The following STAC variants were observed in gnomAD, a reference collection of about 807,000 sequenced individuals.
The protein encoded by STAC is SH3 and cysteine-rich domain-containing protein.
In STAC, 43 loss-of-function variants were observed where a neutral mutation model predicts 48.8. That is an observed-to-expected ratio of 0.88 (90% confidence interval 0.69 to 1.14). The LOEUF (loss-of-function observed/expected upper bound fraction) is 1.14. STAC is among the 50% of genes most tolerant of loss of function. The pLI is 0.00. For synonymous variants in STAC, 193 were observed against 179.5 expected (o/e 1.07, Z -0.60); for missense variants, 497 against 504.0 (o/e 0.99, Z 0.13).
chr3:36,393,230 T>C (rs1199918525), intron 1 of STAC, among the ~76,000 whole-genome samples: 1 of 152,132 alleles, frequency 6.6e-6, no homozygotes, highest in Non-Finnish European at 1.5e-5. Context: ...CCATTTTAGG[T>C]TCTTAGATTC....
intron 10 of STAC, among the ~76,000 whole-genome samples, chr3:36,545,709 G>C (rs1324459151): frequency 6.6e-6 from 1 of 152,166 alleles, no homozygotes; most frequent in Non-Finnish European, 1.5e-5. Flanking sequence ...CTATTTGCTT[G>C]AGGCCAGGAG....
At chr3:36,480,973 T>C (rs955151777) in intron 2 of STAC, among the ~76,000 whole-genome samples, 6 of 152,118 alleles carry the variant, frequency 3.9e-5, no homozygotes, top group African/African-American at 9.7e-5. Context: ...TGATAAATGA[T>C]GTGAAAGATA....
chr3:36,522,888 C>T (rs554192148), intron 8 of STAC, among the ~76,000 whole-genome samples: 2 of 152,280 alleles, frequency 1.3e-5, no homozygotes, highest in East Asian at 1.9e-4. Context: ...CCTCCAAGAC[C>T]CCACCCTGGA....
chr3:36,425,234 G>A (rs945396699), intron 1 of STAC, among the ~76,000 whole-genome samples: 3 of 152,310 alleles, frequency 2.0e-5, no homozygotes, highest in Middle Eastern at 3.4e-3. Flanking sequence ...AATGGAAGAC[G>A]TTGACATCAG....
chr3:36,425,415 A>C (rs1208857483), intron 1 of STAC, among the ~76,000 whole-genome samples: 3 of 152,236 alleles, frequency 2.0e-5, no homozygotes, highest in African/African-American at 7.2e-5. Context: ...TATGAAAGGC[A>C]AAGTAAGACT....
intron 1 of STAC, among the ~76,000 whole-genome samples, chr3:36,435,617 A>G (rs1700814962): frequency 1.3e-5 from 2 of 151,988 alleles, no homozygotes; most frequent in Non-Finnish European, 2.9e-5. Flanking sequence ...ACAACTGTCC[A>G]TGTTCATTAC....
intron 1 of STAC, among the ~76,000 whole-genome samples, chr3:36,408,147 A>T (rs1700121202): frequency 6.6e-6 from 1 of 152,228 alleles, no homozygotes; most frequent in African/African-American, 2.4e-5. Flanking sequence ...ATAACAACGT[A>T]GCAATCATCA....
chr3:36,542,470 T>C (rs1434992296), intron 10 of STAC, among the ~76,000 whole-genome samples: 1 of 152,218 alleles, frequency 6.6e-6, no homozygotes, highest in African/African-American at 2.4e-5. Context: ...TCCATCTCTC[T>C]GTTCTGGTAC....
At chr3:36,483,837 G>C (rs922105731) in intron 3 of STAC, among the ~76,000 whole-genome samples, 7 of 152,166 alleles carry the variant, frequency 4.6e-5, no homozygotes, top group Admixed American at 3.3e-4. Flanking sequence ...TGTAGTTCCA[G>C]CTACTCAGGA....
intron 1 of STAC, among the ~76,000 whole-genome samples, chr3:36,436,617 G>C (rs1185074492): frequency 6.6e-6 from 1 of 152,138 alleles, no homozygotes; most frequent in Non-Finnish European, 1.5e-5. Flanking sequence ...CTGTTCCATT[G>C]TCACTGGTTA....
intron 2 of STAC, among the ~76,000 whole-genome samples, chr3:36,462,890 G>A (rs1462484640): frequency 1.3e-5 from 2 of 151,934 alleles, no homozygotes; most frequent in Non-Finnish European, 2.9e-5. Context: ...CCCATATTTA[G>A]TCACAGTTTA....
At chr3:36,456,477 T>A (rs186577883) in intron 2 of STAC, among the ~76,000 whole-genome samples, 1 of 152,180 alleles carries the variant, frequency 6.6e-6, no homozygotes, top group Non-Finnish European at 1.5e-5. Flanking sequence ...CAGTTATTAG[T>A]AACTTTCAAG....
rs1055748151 is a variant in STAC at position 36,419,355 on chromosome 3, C to T, written c.112-24009C>T. On this transcript the variant is annotated intron_variant, in intron 1 of 10. Coordinates refer to ENST00000273183, the MANE Select transcript of STAC (RefSeq NM_003149.3). ...ATTTAATTGGAACATAACCCATTAA[C>T]GTTTACTATGCAGAGGCAAAGGGAA... 3.9e-5 allele frequency among the ~76,000 whole-genome samples: 6 copies of T among 152,110 alleles called. No individual in the cohort carries two copies. In the South Asian group the frequency reaches 8.3e-4, roughly 21 times the overall value.
intron 1 of STAC, among the ~76,000 whole-genome samples, chr3:36,408,048 C>A (rs1340989959): frequency 6.6e-6 from 1 of 152,290 alleles, no homozygotes; most frequent in East Asian, 1.9e-4. Context: ...TGCCACATGG[C>A]CCCCCTCCTC....
chr3:36,481,687 C>T (rs112592766), intron 2 of STAC, among the ~76,000 whole-genome samples: 1 of 152,206 alleles, frequency 6.6e-6, no homozygotes, highest in African/African-American at 2.4e-5. Context: ...CCATGAGAAT[C>T]ACATACTTGT....
chr3:36,392,402 C>T (rs771370716), intron 1 of STAC, among the ~76,000 whole-genome samples: 5 of 152,078 alleles, frequency 3.3e-5, no homozygotes, highest in African/African-American at 4.8e-5. Flanking sequence ...TGCAGTGGTA[C>T]AGTCATGGCT....
In STAC at chr3:36,510,818, G is replaced by A. The variant is rs1232244325; in HGVS notation, c.920+4984G>A. Among the ~76,000 whole-genome samples the A allele has an allele frequency of 9.2e-5, 14 of 152,166 alleles. No homozygotes were observed. The East Asian group carries it at 2.3e-3, about 25-fold the overall frequency. On this transcript the variant is annotated intron_variant, in intron 8 of 10. Transcript: ENST00000273183. ...ACTGGGGCCTGTTGGGGGTTGGGGG[G>A]CTAAGGGAGGTATAGCATTAGGAGA...
intron 1 of STAC, among the ~76,000 whole-genome samples, chr3:36,440,449 C>G (rs987240040): frequency 2.6e-5 from 4 of 152,184 alleles, no homozygotes; most frequent in African/African-American, 7.2e-5. Context: ...CTTCTGGACT[C>G]TATCCTAGAG....
chr3:36,411,950 T>G (rs1700204234), intron 1 of STAC, among the ~76,000 whole-genome samples: 1 of 152,188 alleles, frequency 6.6e-6, no homozygotes, highest in Non-Finnish European at 1.5e-5. Flanking sequence ...AATCTACATA[T>G]GCCCATGGGA....
Sources: allele counts gnomAD v4.1 joint callset (sites outside exome capture counted in the v4.1 genomes callset), GRCh38; gene constraint gnomAD v4.1.1; transcripts MANE v1.5; gene names NCBI Gene and HGNC (gene_info 2026-07-23, HGNC 2026-07-21).